CSNK2A2IP: variants seen among roughly 807,000 people sequenced by gnomAD.
CSNK2A2IP encodes casein kinase II subunit alpha'-interacting protein.
the CSNK2A2IP span, among the ~76,000 whole-genome samples, chr3:88,415,900 G>A: frequency 6.6e-6 from 1 of 151,954 alleles, no homozygotes; most frequent in African/African-American, 2.4e-5. Context: ...CTATTGAGAT[G>A]TCCTAAAGTG....
At chr3:88,375,441 T>A in the CSNK2A2IP span, among the ~76,000 whole-genome samples, 1 of 151,794 alleles carries the variant, frequency 6.6e-6, no homozygotes, top group Non-Finnish European at 1.5e-5. Flanking sequence ...GGAGAAGTTA[T>A]GAGAGGCCTC....
At chr3:88,407,550 T>G in the CSNK2A2IP span, among the ~76,000 whole-genome samples, 1 of 152,082 alleles carries the variant, frequency 6.6e-6, no homozygotes, top group Admixed American at 6.6e-5. Context: ...TGGAGGTCAG[T>G]GTGTCATGCC....
chr3:88,371,673 G>T, the CSNK2A2IP span, among the ~76,000 whole-genome samples: 1 of 151,598 alleles, frequency 6.6e-6, no homozygotes, highest in Non-Finnish European at 1.5e-5. Context: ...GATATTTGAA[G>T]ACAAATATGA....
chr3:88,460,288 A>C, the CSNK2A2IP span, among the ~76,000 whole-genome samples: 1 of 152,074 alleles, frequency 6.6e-6, no homozygotes, highest in African/African-American at 2.4e-5. Flanking sequence ...TGGAAGTGTC[A>C]TTTTGCCAAG....
At chr3:88,370,509 A>C in the CSNK2A2IP span, among the ~76,000 whole-genome samples, 1 of 150,466 alleles carries the variant, frequency 6.6e-6, no homozygotes, top group Non-Finnish European at 1.5e-5. Flanking sequence ...ACACATGAGA[A>C]CCCTCCCTTC....
the CSNK2A2IP span, among the ~76,000 whole-genome samples, chr3:88,405,938 A>G: frequency 6.6e-6 from 1 of 152,082 alleles, no homozygotes; most frequent in Non-Finnish European, 1.5e-5. Flanking sequence ...TTCTAAGTAA[A>G]TCATTCATTT....
At chr3:88,436,460 G>A in the CSNK2A2IP span, among the ~76,000 whole-genome samples, 2 of 151,956 alleles carry the variant, frequency 1.3e-5, no homozygotes, top group African/African-American at 4.8e-5. Flanking sequence ...AGGCACTTCT[G>A]GCCATATTCC....
At chr3:88,347,888 TGTTGA>T in the CSNK2A2IP span, among the ~76,000 whole-genome samples, 1 of 151,980 alleles carries the variant, frequency 6.6e-6, no homozygotes, top group Non-Finnish European at 1.5e-5. Flanking sequence ...AGGAGATACA[TGTTGA>T]GTATCTCCTG....
chr3:88,465,161 C>CTT, the CSNK2A2IP span: 1 of 394,776 alleles, frequency 2.5e-6, no homozygotes, highest in Non-Finnish European at 4.4e-6. Context: ...TGGTGACAAT[C>CTT]TTTTTCAATC....
chr3:88,461,986 T>A, the CSNK2A2IP span, among the ~76,000 whole-genome samples: 1 of 151,906 alleles, frequency 6.6e-6, no homozygotes, highest in African/African-American at 2.4e-5. Context: ...CCGAGGTTTT[T>A]TTTCATATAT....
At chr3:88,460,844 T>C in the CSNK2A2IP span, among the ~76,000 whole-genome samples, 1 of 152,154 alleles carries the variant, frequency 6.6e-6, no homozygotes, top group Non-Finnish European at 1.5e-5. Context: ...TCCCAGCAGT[T>C]TGGGAGGCCA....
the CSNK2A2IP span, among the ~76,000 whole-genome samples, chr3:88,399,998 G>A: frequency 6.4e-4 from 97 of 152,254 alleles, no homozygotes; most frequent in Non-Finnish European, 1.0e-3. Flanking sequence ...TGAATATCAC[G>A]TAATAGAAGC....
chr3:88,394,594 G>A, the CSNK2A2IP span, among the ~76,000 whole-genome samples: 2 of 152,044 alleles, frequency 1.3e-5, no homozygotes, highest in Non-Finnish European at 2.9e-5. Context: ...GGCTGGTCTC[G>A]AACTCTTGAC....
the CSNK2A2IP span, among the ~76,000 whole-genome samples, chr3:88,395,968 G>A: frequency 6.6e-6 from 1 of 152,092 alleles, no homozygotes; most frequent in East Asian, 1.9e-4. Context: ...GTATGTAGTT[G>A]CTTGTTTTAT....
the CSNK2A2IP span, chr3:88,466,395 T>C: frequency 2.4e-6 from 3 of 1,231,900 alleles, no homozygotes; most frequent in South Asian, 1.2e-4. Flanking sequence ...AGTTTCAGAA[T>C]ACCACTTCAC....
chr3:88,434,261 G>A, the CSNK2A2IP span, among the ~76,000 whole-genome samples: 2 of 151,998 alleles, frequency 1.3e-5, no homozygotes, highest in Non-Finnish European at 2.9e-5. Context: ...TACTGGAGCA[G>A]AAAGAAAAAG....
the CSNK2A2IP span, chr3:88,338,686 T>C: frequency 2.0e-5 from 3 of 152,112 alleles, no homozygotes; most frequent in African/African-American, 7.2e-5. Context: ...AAGAGTGTGC[T>C]AAAGTCCTTC....
At chr3:88,364,551 G>C in the CSNK2A2IP span, among the ~76,000 whole-genome samples, 1 of 151,916 alleles carries the variant, frequency 6.6e-6, no homozygotes, top group Non-Finnish European at 1.5e-5. Context: ...TTTATAGAAA[G>C]GAGATAATAT....
the CSNK2A2IP span, among the ~76,000 whole-genome samples, chr3:88,418,463 T>TGTGTGTGTGCGCGTGC: frequency 1.3e-5 from 2 of 149,536 alleles, no homozygotes; most frequent in African/African-American, 2.5e-5. Context: ...TGTGTGTGTG[T>TGTGTGTGTGCGCGTGC]GCGCGCGGGC....
Sources: gnomAD v4.1 joint callset for allele counts (sites outside exome capture counted in the v4.1 genomes callset) on GRCh38, gnomAD v4.1.1 for gene constraint, MANE v1.5 for transcripts, NCBI Gene and HGNC (gene_info 2026-07-23, HGNC 2026-07-21) for gene names.